The following CEP192 variants were observed in gnomAD, a reference collection of about 807,000 sequenced individuals.
CEP192 encodes the protein centrosomal protein of 192 kDa.
CEP192 carries 151 observed loss-of-function variants against 271.8 expected under a neutral mutation model. That is an observed-to-expected ratio of 0.56 (90% CI 0.49 to 0.64). The LOEUF (loss-of-function observed/expected upper bound fraction) is 0.64. Among genes scored for constraint, CEP192 ranks in the 30% least tolerant of loss-of-function variants. The pLI, the probability that CEP192 is intolerant of heterozygous loss-of-function variation, is 0.00. For missense variants in CEP192, 2,910 were observed against 3,020.5 expected (o/e 0.96, Z 0.86); for synonymous variants, 995 against 1,076.5 (o/e 0.92, Z 1.48).
At chr18:13,047,245 A>C (rs944045749) in intron 15 of CEP192, among the ~76,000 whole-genome samples, 2 of 152,192 alleles carry the variant, frequency 1.3e-5, no homozygotes, top group Non-Finnish European at 2.9e-5. Flanking sequence ...GCTGAGCCTC[A>C]TCCTTATGAG....
At chr18:13,045,553 G>T (rs2036430576) in intron 15 of CEP192, among the ~76,000 whole-genome samples, 1 of 152,190 alleles carries the variant, frequency 6.6e-6, no homozygotes, top group Admixed American at 6.5e-5. Flanking sequence ...ACTTAGGTGA[G>T]ATTTAAATCG....
intron 23 of CEP192, 54 bp downstream of exon 23, chr18:13,068,291 T>G: frequency 6.2e-7 from 1 of 1,603,732 alleles, no homozygotes; most frequent in Non-Finnish European, 8.5e-7. Context: ...TAAACCTCTT[T>G]TCTTTCATTA....
chr18:13,078,816 G>A (rs1026539536), intron 30 of CEP192, among the ~76,000 whole-genome samples: 2 of 152,118 alleles, frequency 1.3e-5, no homozygotes, highest in Non-Finnish European at 2.9e-5. Context: ...CCCCATGTGT[G>A]TGATGTTTCC....
At chr18:13,096,439 T>C in intron 36 of CEP192, 132 bp downstream of exon 36, 1 of 1,104,616 alleles carries the variant, frequency 9.1e-7, no homozygotes, top group Non-Finnish European at 1.3e-6. Context: ...ACAAAGCATG[T>C]GCATGGTTCT....
intron 1 of CEP192, among the ~76,000 whole-genome samples, chr18:12,993,889 C>T (rs181940805): frequency 2.7e-3 from 407 of 152,280 alleles, no homozygotes; most frequent in Non-Finnish European, 2.1e-3. Flanking sequence ...GTTATAGATT[C>T]TTTCTTAAAA....
At chr18:13,014,037 A>G (rs1402950942) in intron 5 of CEP192, among the ~76,000 whole-genome samples, 1 of 152,224 alleles carries the variant, frequency 6.6e-6, no homozygotes, top group East Asian at 1.9e-4. Context: ...TATTTGTGCT[A>G]CAACAGCAGA....
Position 13,042,285 on chromosome 18 carries a change from A to G in CEP192, c.2018A>G (p.Gln673Arg). 1 of 1,614,044 alleles carries G rather than the reference A, an allele frequency of 6.2e-7. No homozygotes were observed. Among genetic ancestry groups the G allele is most frequent in the Non-Finnish European group, 8.5e-7 (1 of 1,179,882 alleles). The change falls in exon 15 of 45, where the codon CAA becomes CGA. Residue 673 changes from glutamine to arginine, a missense_variant. By Grantham distance (43) the Gln-to-Arg change is conservative. Transcript: ENST00000506447. ...GTTGAAGCAGTAGAGAGTACTTCACAAGTGGATGAAAATGATGTGACGTTA... is the reference window on the plus strand; with the variant it reads ...GTTGAAGCAGTAGAGAGTACTTCACGAGTGGATGAAAATGATGTGACGTTA... Reference protein sequence around the residue: ...LQVEAVESTSQVDENDVTLTA... With the variant: ...LQVEAVESTSRVDENDVTLTA...
intron 42 of CEP192, 103 bp from the exon 43 acceptor site, chr18:13,116,274 G>A: frequency 9.1e-7 from 1 of 1,100,360 alleles, no homozygotes; most frequent in South Asian, 1.5e-5. Flanking sequence ...AAATCACCAG[G>A]AAAACATAAA....
chr18:13,058,735 C>A, intron 20 of CEP192: 1 of 214,792 alleles, frequency 4.7e-6, no homozygotes, highest in Non-Finnish European at 9.4e-6. Context: ...TTCCCCCCAG[C>A]CCCCACCCAC....
intron 40 of CEP192, among the ~76,000 whole-genome samples, chr18:13,110,463 A>T (rs2040160377): frequency 6.6e-6 from 1 of 151,910 alleles, no homozygotes; most frequent in African/African-American, 2.4e-5. Context: ...GCACCAAGAC[A>T]GTTCAATGGG....
chr18:13,092,864 C>T (rs2039214021), intron 34 of CEP192, among the ~76,000 whole-genome samples: 1 of 152,104 alleles, frequency 6.6e-6, no homozygotes, highest in Non-Finnish European at 1.5e-5. Flanking sequence ...CCTAAAAACA[C>T]TCTCCTACGG....
chr18:13,056,299 G>A lies in CEP192; in HGVS notation c.3709G>A (p.Val1237Met). The A allele has an allele frequency of 6.2e-7, 1 of 1,614,160 alleles. No homozygotes were observed. Among genetic ancestry groups the A allele is most frequent in the Non-Finnish European group, 8.5e-7 (1 of 1,179,988 alleles). The change falls in exon 19 of 45, where the codon GTG (valine) becomes ATG (methionine). Residue 1237 changes from valine (V) to methionine (M), a missense_variant. By Grantham distance (21) the Val-to-Met change is conservative. Coordinates refer to ENST00000506447, the MANE Select transcript of CEP192 (RefSeq NM_032142.4). ...PIPSSTVHSS[V>M]ADMQNMPAAV... ...TCCCAGCAGCACAGTTCACAGCTCT[G>A]TGGCTGACATGCAGAACATGCCTGC...
intron 44 of CEP192, among the ~76,000 whole-genome samples, chr18:13,124,155 C>T (rs2040799640): frequency 6.6e-6 from 1 of 150,496 alleles, no homozygotes; most frequent in African/African-American, 2.4e-5. Context: ...AGTGAAACTC[C>T]GTCTCAAAAA....
chr18:13,097,671 A>G (rs1327108529), intron 36 of CEP192, among the ~76,000 whole-genome samples: 1 of 89,934 alleles, frequency 1.1e-5, no homozygotes, highest in African/African-American at 4.6e-5. Flanking sequence ...TTTATTGATC[A>G]TTCTTGGGTG....
chr18:13,097,797 C>T (rs1213633092), intron 36 of CEP192, among the ~76,000 whole-genome samples: 2 of 151,344 alleles, frequency 1.3e-5, no homozygotes, highest in Non-Finnish European at 2.9e-5. Flanking sequence ...TGAGGCCTTC[C>T]GCAGTGTTTG....
intron 35 of CEP192, 116 bp from the exon 36 acceptor site, chr18:13,096,068 G>A: frequency 9.5e-7 from 1 of 1,049,196 alleles, no homozygotes; most frequent in Non-Finnish European, 1.4e-6. Context: ...TTGAGCAGTT[G>A]AGAAAGCAGT....
In CEP192 at chr18:13,038,427, G is replaced by T. The variant is rs1367180652; in HGVS notation, c.1657G>T (p.Ala553Ser). The change falls in exon 13 of 45, where the codon GCT (alanine) becomes TCT (serine). Residue 553 changes from alanine (A) to serine (S), a missense_variant. Transcript: ENST00000506447. ...TGCACTGGGCGATACGTCCTGGGGA[G>T]CTACAATTAATTACAGTCTGTTGAG... ...SVALGDTSWG[A>S]TINYSLLRKS... 1 of 1,551,600 alleles carries T rather than the reference G, an allele frequency of 6.4e-7. No homozygotes were observed. Among genetic ancestry groups the T allele is most frequent in the Non-Finnish European group, 8.7e-7 (1 of 1,146,938 alleles).
intron 30 of CEP192, among the ~76,000 whole-genome samples, chr18:13,076,461 C>T (rs1356288336): frequency 1.3e-5 from 2 of 152,128 alleles, no homozygotes; most frequent in African/African-American, 4.8e-5. Context: ...CGTGATCCAC[C>T]AGCCTCAGCC....
intron 1 of CEP192, among the ~76,000 whole-genome samples, chr18:12,991,753 G>A (rs1183578380): frequency 6.6e-6 from 1 of 152,240 alleles, no homozygotes; most frequent in Non-Finnish European, 1.5e-5. Context: ...CTTGTCTGGG[G>A]ACTTCCACCT....
Sources: allele counts gnomAD v4.1 joint callset (sites outside exome capture counted in the v4.1 genomes callset), GRCh38; gene constraint gnomAD v4.1.1; transcripts MANE v1.5; gene names NCBI Gene and HGNC (gene_info 2026-07-23, HGNC 2026-07-21).